BACE2: variants seen among roughly 807,000 people sequenced by gnomAD.
The protein encoded by BACE2 is 56 kDa aspartic-like protease.
BACE2 carries 17 observed loss-of-function variants against 46.2 expected under a neutral mutation model. The ratio of observed to expected loss-of-function variants is 0.37; its 90% CI spans 0.25 to 0.55. The LOEUF (loss-of-function observed/expected upper bound fraction) is 0.55. BACE2 is among the 20% of genes least tolerant of loss of function. The probability of loss-of-function intolerance (pLI) is 0.82; values close to 1 mark genes in which losing one functional copy is unlikely to be tolerated. For missense variants in BACE2, 595 were observed against 698.1 expected (o/e 0.85, Z 1.66); for synonymous variants, 277 against 295.9 (o/e 0.94, Z 0.66).
intron 1 of BACE2, among the ~76,000 whole-genome samples, chr21:41,219,177 A>G (rs1283887177): frequency 6.6e-6 from 1 of 152,170 alleles, no homozygotes; most frequent in Non-Finnish European, 1.5e-5. Flanking sequence ...TGATTTTTTT[A>G]GAAGTGTGCA....
chr21:41,192,774 T>C (rs565669958), intron 1 of BACE2, among the ~76,000 whole-genome samples: 1 of 152,338 alleles, frequency 6.6e-6, no homozygotes, highest in Admixed American at 6.5e-5. Flanking sequence ...CCACTCAAAA[T>C]TGGCAGCCTT....
intron 8 of BACE2, among the ~76,000 whole-genome samples, chr21:41,271,916 T>C (rs547660182): frequency 1.3e-5 from 2 of 152,282 alleles, no homozygotes; most frequent in South Asian, 4.1e-4. Flanking sequence ...TACTTCCCGC[T>C]TCTGGTGTTC....
chr21:41,223,635 G>A (rs1311867924), intron 1 of BACE2, among the ~76,000 whole-genome samples: 2 of 152,206 alleles, frequency 1.3e-5, no homozygotes, highest in East Asian at 3.9e-4. Flanking sequence ...GCTCACCTCT[G>A]TGGTCCTCAC....
At chr21:41,211,668 G>T (rs1043276270) in intron 1 of BACE2, among the ~76,000 whole-genome samples, 1 of 152,234 alleles carries the variant, frequency 6.6e-6, no homozygotes, top group African/African-American at 2.4e-5. Flanking sequence ...TTCAGCAGAT[G>T]GGCTGCTAAT....
chr21:41,184,604 G>A (rs1174037902), intron 1 of BACE2: 1 of 167,084 alleles, frequency 6.0e-6, no homozygotes, highest in African/African-American at 2.4e-5. Flanking sequence ...TGTACTGGTT[G>A]GGCTCATTTT....
chr21:41,221,671 C>CA (rs994052801), intron 1 of BACE2, among the ~76,000 whole-genome samples: 8 of 151,692 alleles, frequency 5.3e-5, no homozygotes, highest in African/African-American at 1.7e-4. Flanking sequence ...TAAAAAAATA[C>CA]AAAAAAATTA....
intron 3 of BACE2, among the ~76,000 whole-genome samples, chr21:41,241,347 G>A (rs1016028695): frequency 2.0e-5 from 3 of 152,116 alleles, no homozygotes; most frequent in African/African-American, 4.8e-5. Context: ...GGGGTCCGGG[G>A]GATACTGTCC....
chr21:41,232,657 G>T (rs1314637631), intron 2 of BACE2, among the ~76,000 whole-genome samples: 1 of 151,878 alleles, frequency 6.6e-6, no homozygotes, highest in African/African-American at 2.4e-5. Context: ...TCTCTCTCTT[G>T]CCCCAGCTCT....
At chr21:41,259,210 T>C (rs1987866178) in intron 8 of BACE2, among the ~76,000 whole-genome samples, 1 of 152,220 alleles carries the variant, frequency 6.6e-6, no homozygotes, top group Non-Finnish European at 1.5e-5. Flanking sequence ...CACTGTGAGT[T>C]ATTTGCTAGA....
rs118063693 is a variant in BACE2, at chr21:41,209,787, C to T, written c.313-16479C>T. Among the ~76,000 whole-genome samples, 1,250 of 152,236 alleles carry T rather than the reference C, an allele frequency of 8.2e-3. 9 individuals carry two copies. Among genetic ancestry groups the T allele is most frequent in the Non-Finnish European group, 0.012 (795 of 68,020 alleles). On this transcript the variant is annotated intron_variant, in intron 1 of 8. Coordinates refer to ENST00000330333, the MANE Select transcript of BACE2 (RefSeq NM_012105.5). Reference sequence around the variant, plus strand: ...ACTATCCTTTCCTGCATGGAGAAGACACAGGTGTATCCTGGGACCATGGCT... The same window carrying T: ...ACTATCCTTTCCTGCATGGAGAAGATACAGGTGTATCCTGGGACCATGGCT...
intron 2 of BACE2, among the ~76,000 whole-genome samples, chr21:41,236,081 T>C (rs993111319): frequency 1.3e-5 from 2 of 152,242 alleles, no homozygotes; most frequent in Non-Finnish European, 2.9e-5. Context: ...CTTAGAATTG[T>C]GATTATTTTC....
chr21:41,174,706 GTCCTCCTTGCTGGTGAGTGAGGTCCCTC>G (rs1984744200), intron 1 of BACE2, among the ~76,000 whole-genome samples: 1 of 152,120 alleles, frequency 6.6e-6, no homozygotes, highest in Non-Finnish European at 1.5e-5. Context: ...CGGGGTGGTG[GTCCTCCTTGCTGGTGAGTGAGGTCCCTC>G]TCCAGGTGAC....
At chr21:41,194,292 G>A (rs1479890538) in intron 1 of BACE2, among the ~76,000 whole-genome samples, 3 of 152,228 alleles carry the variant, frequency 2.0e-5, no homozygotes, top group Non-Finnish European at 4.4e-5. Flanking sequence ...TGTCCATTAG[G>A]GTAGCTGTGC....
At chr21:41,238,436 C>T (rs1987188894) in intron 3 of BACE2, among the ~76,000 whole-genome samples, 1 of 152,216 alleles carries the variant, frequency 6.6e-6, no homozygotes, top group Non-Finnish European at 1.5e-5. Flanking sequence ...CACCTGGAGG[C>T]ATTGCCAAAG....
Position 41,198,762 on chromosome 21 carries a change from A to T in BACE2, c.313-27504A>T, listed in dbSNP as rs567835068. Among the ~76,000 whole-genome samples the T allele has an allele frequency of 2.6e-5, 4 of 152,234 alleles. No individual in the cohort carries two copies. In the South Asian group the frequency reaches 8.3e-4, roughly 32 times the overall value. On this transcript the variant is annotated intron_variant, in intron 1 of 8. Coordinates refer to ENST00000330333, the MANE Select transcript of BACE2 (RefSeq NM_012105.5). ...TAATTTTAGTATGAGTACTGCTAGC[A>T]AAAACAGACTGCTTCTGGAGCTTCA... is the stretch of plus-strand genomic sequence containing the variant.
intron 1 of BACE2, among the ~76,000 whole-genome samples, chr21:41,219,919 C>T (rs928670816): frequency 2.6e-5 from 4 of 152,214 alleles, no homozygotes; most frequent in Admixed American, 2.6e-4. Flanking sequence ...AGTTCAGTTC[C>T]TACACTGTCT....
intron 1 of BACE2, among the ~76,000 whole-genome samples, chr21:41,187,808 T>C (rs1321985395): frequency 1.3e-5 from 2 of 152,232 alleles, no homozygotes; most frequent in African/African-American, 4.8e-5. Flanking sequence ...CCCTTTAGAA[T>C]GGCTGGGCTT....
chr21:41,236,049 T>A (rs1987109250), intron 2 of BACE2, among the ~76,000 whole-genome samples: 1 of 152,242 alleles, frequency 6.6e-6, no homozygotes, highest in Non-Finnish European at 1.5e-5. Flanking sequence ...TAGTATGATC[T>A]ACTGGGTGAT....
intron 8 of BACE2, among the ~76,000 whole-genome samples, chr21:41,266,991 T>C (rs1364843965): frequency 1.3e-5 from 2 of 151,878 alleles, no homozygotes; most frequent in African/African-American, 4.8e-5. Context: ...TTCATGGTCA[T>C]TTGTGTTTGT....
Sources: gnomAD v4.1 joint callset for allele counts (sites outside exome capture counted in the v4.1 genomes callset) on GRCh38, gnomAD v4.1.1 for gene constraint, MANE v1.5 for transcripts, NCBI Gene and HGNC (gene_info 2026-07-23, HGNC 2026-07-21) for gene names.